LARGE1: variants seen among roughly 807,000 people sequenced by gnomAD.
LARGE1 encodes the protein xylosyl- and glucuronyltransferase LARGE1.
Under a neutral mutation model 87.6 loss-of-function variants are expected in LARGE1, and 43 were observed. That is an observed-to-expected ratio of 0.49 (90% CI 0.38 to 0.63). The LOEUF (loss-of-function observed/expected upper bound fraction) is 0.63, where lower values mean the gene tolerates loss of function less well. Among genes scored for constraint, LARGE1 ranks in the 30% least tolerant of loss-of-function variants. The pLI, the probability that LARGE1 is intolerant of heterozygous loss-of-function variation, is 0.00. For missense variants in LARGE1, 802 were observed against 1,000.2 expected, an observed-to-expected ratio of 0.80 and a Z score of 2.67; for synonymous variants, 434 against 394.6, an observed-to-expected ratio of 1.10 and a Z score of -1.18.
At chr22:33,835,654 G>A (rs2063090447) in intron 1 of LARGE1, among the ~76,000 whole-genome samples, 1 of 152,220 alleles carries the variant, frequency 6.6e-6, no homozygotes, top group Non-Finnish European at 1.5e-5. Context: ...ATAACGAAGA[G>A]CTAAGTTAGA....
chr22:33,500,679 C>T (rs187481770), intron 6 of LARGE1, among the ~76,000 whole-genome samples: 29 of 152,256 alleles, frequency 1.9e-4, no homozygotes, highest in African/African-American at 5.5e-4. Context: ...GTGTCCTCAT[C>T]CATAAAATGG....
chr22:33,397,384 G>A (rs2065787568), intron 7 of LARGE1, among the ~76,000 whole-genome samples: 1 of 152,126 alleles, frequency 6.6e-6, no homozygotes, highest in East Asian at 1.9e-4. Context: ...CAAAGTGCTG[G>A]GATTACAGGC....
At chr22:33,748,836 A>G (rs5999084) in intron 2 of LARGE1, among the ~76,000 whole-genome samples, 13,477 of 152,218 alleles carry the variant, frequency 0.089, 758 homozygotes, top group East Asian at 0.2. Context: ...CAGCTGCAGT[A>G]TGTTAGGAAG....
At chr22:33,431,328 G>A (rs1447737619) in intron 7 of LARGE1, among the ~76,000 whole-genome samples, 1 of 152,210 alleles carries the variant, frequency 6.6e-6, no homozygotes, top group South Asian at 2.1e-4. Flanking sequence ...AACAAGAAGG[G>A]TTGATGGATG....
At chr22:33,766,169 T>C (rs568836934) in intron 1 of LARGE1, among the ~76,000 whole-genome samples, 4 of 152,216 alleles carry the variant, frequency 2.6e-5, no homozygotes, top group South Asian at 2.1e-4. Context: ...TGTTGGCGAA[T>C]TAACTGGGAA....
downstream of LARGE1, among the ~76,000 whole-genome samples, chr22:33,161,845 A>T (rs1394169484): frequency 6.6e-6 from 1 of 152,062 alleles, no homozygotes; most frequent in Non-Finnish European, 1.5e-5. Context: ...GGTCTAGAGG[A>T]TGAGGATCTC....
intron 1 of LARGE1, among the ~76,000 whole-genome samples, chr22:33,781,172 CTT>C (rs1281221384): frequency 2.0e-5 from 3 of 152,128 alleles, no homozygotes; most frequent in Non-Finnish European, 4.4e-5. Flanking sequence ...GTAAATTGCT[CTT>C]CTCACAGGAT....
intron 11 of LARGE1, among the ~76,000 whole-genome samples, chr22:33,307,832 G>A (rs536172463): frequency 1.3e-5 from 2 of 151,608 alleles, no homozygotes; most frequent in Admixed American, 6.6e-5. Context: ...GCAGTGGTGC[G>A]ATCTCGGCTC....
chr22:33,515,298 C>A (rs960737185), intron 6 of LARGE1, among the ~76,000 whole-genome samples: 16 of 152,098 alleles, frequency 1.1e-4, no homozygotes, highest in Non-Finnish European at 1.0e-4. Context: ...TACAGCATTG[C>A]AAGTGGCTTT....
intron 1 of LARGE1, among the ~76,000 whole-genome samples, chr22:33,845,054 T>G (rs1214486124): frequency 1.3e-5 from 2 of 152,034 alleles, no homozygotes; most frequent in Admixed American, 1.3e-4. Flanking sequence ...AGCCCCCTTT[T>G]TGTCCCCAAT....
At chr22:33,117,435 CTTTT>C in the LARGE1 span, among the ~76,000 whole-genome samples, 11 of 148,942 alleles carry the variant, frequency 7.4e-5, no homozygotes, top group African/African-American at 2.2e-4. Context: ...ACATTATTAA[CTTTT>C]TTTTTTTTTT....
At chr22:33,196,526 C>T (rs916374512) in intron 11 of LARGE1, among the ~76,000 whole-genome samples, 2 of 151,924 alleles carry the variant, frequency 1.3e-5, no homozygotes, top group Admixed American at 1.3e-4. Flanking sequence ...ATTAAGAAAA[C>T]ATTATGCCCA....
intron 1 of LARGE1, among the ~76,000 whole-genome samples, chr22:33,763,972 C>T (rs544112321): frequency 1.3e-3 from 190 of 150,102 alleles, no homozygotes; most frequent in African/African-American, 4.4e-3. Context: ...GCCTCAGCCT[C>T]CCGAGTAGCT....
At chr22:33,271,629 G>A (rs1602180106), downstream of LARGE1, among the ~76,000 whole-genome samples, 2 of 152,330 alleles carry the variant, frequency 1.3e-5, no homozygotes, top group Non-Finnish European at 2.9e-5. Flanking sequence ...TACCCCCCAG[G>A]GAATTGATGC....
intron 1 of LARGE1, among the ~76,000 whole-genome samples, chr22:33,826,089 C>T (rs1351604464): frequency 6.6e-6 from 1 of 152,096 alleles, no homozygotes; most frequent in South Asian, 2.1e-4. Flanking sequence ...TAAAATTCCA[C>T]GTCTGCTATA....
At chr22:33,608,431 C>T (rs1050235754) in intron 4 of LARGE1, among the ~76,000 whole-genome samples, 1 of 152,162 alleles carries the variant, frequency 6.6e-6, no homozygotes, top group African/African-American at 2.4e-5. Context: ...CTTCTTTGAG[C>T]ACTTCCTCGT....
chr22:33,756,601 A>C, intron 2 of LARGE1, among the ~76,000 whole-genome samples: 1 of 152,166 alleles, frequency 6.6e-6, no homozygotes, highest in East Asian at 1.9e-4. Context: ...CAGAGCCCAC[A>C]GAGGGCGATG....
At chr22:33,699,202 C>G (rs896291366) in intron 2 of LARGE1, among the ~76,000 whole-genome samples, 3 of 152,244 alleles carry the variant, frequency 2.0e-5, no homozygotes, top group Non-Finnish European at 2.9e-5. Context: ...TTTTCACATT[C>G]TAACATCCCT....
chr22:33,185,144 A>G (rs1923408917), intron 11 of LARGE1, among the ~76,000 whole-genome samples: 1 of 152,188 alleles, frequency 6.6e-6, no homozygotes, highest in South Asian at 2.1e-4. Context: ...CCAAACTTGA[A>G]AGCAACCAAG....
Sources: allele counts gnomAD v4.1 joint callset (sites outside exome capture counted in the v4.1 genomes callset), GRCh38; gene constraint gnomAD v4.1.1; transcripts MANE v1.5; gene names NCBI Gene and HGNC (gene_info 2026-07-23, HGNC 2026-07-21).